Variants in SHC4 observed in about 807,000 individuals in gnomAD.
The protein encoded by SHC4 is SHC adaptor protein 4.
In SHC4, 41 loss-of-function variants were observed where a neutral mutation model predicts 69.4. The ratio of observed to expected loss-of-function variants is 0.59; its 90% CI spans 0.46 to 0.77. SHC4 has a LOEUF of 0.77. Among genes scored for constraint, SHC4 ranks in the 30% least tolerant of loss-of-function variants. SHC4 has a pLI of 0.00. For missense variants in SHC4, 777 were observed against 783.8 expected, an observed-to-expected ratio of 0.99 and a Z score of 0.10; for synonymous variants, 318 against 299.3, an observed-to-expected ratio of 1.06 and a Z score of -0.64.
At chr15:48,831,076 T>A (rs1050483331) in intron 11 of SHC4, among the ~76,000 whole-genome samples, 1 of 152,090 alleles carries the variant, frequency 6.6e-6, no homozygotes, top group Admixed American at 6.6e-5. Flanking sequence ...TAAAAAATTT[T>A]AAAATAGGAA....
At chr15:48,872,661 T>C (rs941701931) in intron 4 of SHC4, among the ~76,000 whole-genome samples, 5 of 152,232 alleles carry the variant, frequency 3.3e-5, no homozygotes, top group Admixed American at 3.3e-4. Flanking sequence ...TCTCCCTTTA[T>C]ATTTTTGTTT....
intron 8 of SHC4, among the ~76,000 whole-genome samples, chr15:48,855,663 G>A (rs1168399943): frequency 6.6e-6 from 1 of 152,146 alleles, no homozygotes; most frequent in Non-Finnish European, 1.5e-5. Flanking sequence ...GAAGCAAGGA[G>A]AACATGGGCA....
chr15:48,913,958 C>T (rs1900565333), intron 2 of SHC4, among the ~76,000 whole-genome samples: 1 of 152,300 alleles, frequency 6.6e-6, no homozygotes, highest in East Asian at 1.9e-4. Flanking sequence ...GGGGGTTCTC[C>T]TGGGTCCTGC....
At chr15:48,888,436 G>T (rs892829570) in intron 3 of SHC4, among the ~76,000 whole-genome samples, 64 of 152,250 alleles carry the variant, frequency 4.2e-4, no homozygotes, top group African/African-American at 1.4e-3. Flanking sequence ...ACAGAAAGTA[G>T]AATTTTGGTT....
intron 8 of SHC4, among the ~76,000 whole-genome samples, chr15:48,854,588 T>C (rs371958425): frequency 9.9e-5 from 15 of 152,070 alleles, no homozygotes; most frequent in South Asian, 4.1e-4. Context: ...CAATGGTGGA[T>C]TGGATAAAGA....
intron 4 of SHC4, chr15:48,878,037 AAGT>A: frequency 9.2e-7 from 1 of 1,087,624 alleles, no homozygotes; most frequent in Non-Finnish European, 1.3e-6. Context: ...GTGGCGCGCC[AAGT>A]AGGAGGCGGT....
Position 48,962,568 on chromosome 15 carries a change from G to C in SHC4, c.448C>G (p.Leu150Val). The C allele has an allele frequency of 6.2e-7, 1 of 1,611,616 alleles. No homozygotes were observed. The highest frequency in any genetic ancestry group is 8.5e-7 in the Non-Finnish European group (1 of 1,178,516). Reference protein sequence around the residue: ...SGTAPPPQQDLVGHRATALTP... With the variant: ...SGTAPPPQQDVVGHRATALTP... ...AGGGCGGTTGCCCTGTGTCCCACCAGGTCCTGCTGCGGTGGAGGTGCAGTC... is the reference window on the plus strand; with the variant it reads ...AGGGCGGTTGCCCTGTGTCCCACCACGTCCTGCTGCGGTGGAGGTGCAGTC... The change falls in exon 1 of 12, where the codon CTG becomes GTG. Residue 150 changes from leucine to valine, a missense_variant. By Grantham distance (32) the Leu-to-Val change is conservative (BLOSUM62 1). Coordinates refer to ENST00000332408, the MANE Select transcript of SHC4 (RefSeq NM_203349.4).
chr15:48,962,173 C>T (rs1313040143), intron 1 of SHC4, among the ~76,000 whole-genome samples: 3 of 152,162 alleles, frequency 2.0e-5, no homozygotes, highest in Non-Finnish European at 4.4e-5. Context: ...GCCTCTACAC[C>T]TGCCAAGTAC....
Position 48,884,386 on chromosome 15 carries a change from A to G in SHC4, c.721-19T>C. ...CTGGAGGCTTTAAAAATTAAAGAAG[A>G]AAAACAAAACACTGTTAGGAATTTT... is the stretch of plus-strand genomic sequence containing the variant. On this transcript the variant is annotated intron_variant, in intron 3 of 11. Coordinates refer to ENST00000332408, the MANE Select transcript of SHC4 (RefSeq NM_203349.4). 1 of 1,566,372 alleles carries G rather than the reference A, an allele frequency of 6.4e-7. No individual in the cohort carries two copies. The highest frequency in any genetic ancestry group is 8.6e-7 in the Non-Finnish European group (1 of 1,164,258).
intron 1 of SHC4, chr15:48,947,875 T>C (rs1203303128): frequency 2.6e-5 from 4 of 152,150 alleles, no homozygotes; most frequent in Admixed American, 6.5e-5. Context: ...TTGTTATCAA[T>C]AAAAACAAAA....
chr15:48,844,146 C>T (rs1899044936), intron 9 of SHC4, among the ~76,000 whole-genome samples: 1 of 152,188 alleles, frequency 6.6e-6, no homozygotes, highest in African/African-American at 2.4e-5. Context: ...TTGCTCTTGC[C>T]AACCTCAGCC....
At chr15:48,917,243 TTGTGTGTGTGTGTGTGTGTGTGTG>T (rs3985853) in intron 2 of SHC4, among the ~76,000 whole-genome samples, 4 of 137,094 alleles carry the variant, frequency 2.9e-5, no homozygotes, top group South Asian at 2.7e-4. Context: ...ACCTGATTTC[TTGTGTGTGTGTGTGTGTGTGTGTG>T]TGTGTGTGTG....
At chr15:48,826,419 T>C (rs745963446) in intron 11 of SHC4, among the ~76,000 whole-genome samples, 21 of 152,054 alleles carry the variant, frequency 1.4e-4, no homozygotes, top group Non-Finnish European at 2.6e-4. Flanking sequence ...TGGCTAATTT[T>C]TTTTATTTTA....
chr15:48,833,699 G>A (rs1437569944), intron 11 of SHC4, among the ~76,000 whole-genome samples: 1 of 152,122 alleles, frequency 6.6e-6, no homozygotes, highest in Non-Finnish European at 1.5e-5. Flanking sequence ...GCAACCCACT[G>A]AAAAGCCAGA....
intron 4 of SHC4, chr15:48,878,847 C>CA: frequency 1.8e-6 from 2 of 1,142,356 alleles, no homozygotes; most frequent in Non-Finnish European, 2.4e-6. Flanking sequence ...ACTTGACCTT[C>CA]AAAAAAATTT....
At chr15:48,844,452 T>A (rs889770240) in intron 9 of SHC4, among the ~76,000 whole-genome samples, 2 of 152,312 alleles carry the variant, frequency 1.3e-5, no homozygotes, top group African/African-American at 4.8e-5. Context: ...TCCTGCAGTA[T>A]GATCTCACAT....
intron 1 of SHC4, among the ~76,000 whole-genome samples, chr15:48,936,113 A>G (rs1901065723): frequency 6.6e-6 from 1 of 152,150 alleles, no homozygotes; most frequent in South Asian, 2.1e-4. Context: ...CCTAGAACAT[A>G]GTAGACCCTC....
rs756449385 is a variant in SHC4 at position 48,834,830 on chromosome 15, A to G, written c.1676T>C (p.Val559Ala). The part of the protein sequence containing the change: ...RESATSPGQY[V>A]LSGLQGGQAK... ...TTGGCCTCCCTGTAGTCCACTCAGC[A>G]CATATTGGCCAGGGGATGTTGCACT... The change falls in exon 11 of 12, where the codon GTG becomes GCG. Residue 559 changes from valine (V) to alanine (A), a missense_variant. Physicochemically the swap from Val to Ala is moderately conservative, Grantham distance 64. Transcript: ENST00000332408. 3.7e-6 allele frequency: 6 copies of G among 1,614,156 alleles called. No homozygotes were observed. In the Admixed American group the frequency reaches 6.7e-5, roughly 18 times the overall value.
At chr15:48,957,879 A>G (rs1457697832) in intron 1 of SHC4, among the ~76,000 whole-genome samples, 3 of 152,244 alleles carry the variant, frequency 2.0e-5, no homozygotes, top group Non-Finnish European at 2.9e-5. Context: ...ACACAGAGAG[A>G]ATGCATGTGA....
Sources: allele counts gnomAD v4.1 joint callset (sites outside exome capture counted in the v4.1 genomes callset), GRCh38; gene constraint gnomAD v4.1.1; transcripts MANE v1.5; gene names NCBI Gene and HGNC (gene_info 2026-07-23, HGNC 2026-07-21).